The following FUT8 variants were observed in gnomAD, a reference collection of about 807,000 sequenced individuals.
FUT8 encodes fucosyltransferase 8, also known as alpha-(1,6)-fucosyltransferase.
FUT8 carries 29 observed loss-of-function variants against 71.3 expected under a neutral mutation model. The observed-to-expected ratio is 0.41, with a 90% CI of 0.30 to 0.55. The LOEUF is 0.55. FUT8 is among the 20% of genes least tolerant of loss of function. FUT8 has a pLI of 0.34. For synonymous variants in FUT8, 254 were observed against 239.3 expected (o/e 1.06, Z -0.57); for missense variants, 544 against 702.1 (o/e 0.77, Z 2.55).
At chr14:65,645,820 A>G (rs1891099301) in intron 6 of FUT8, 1 of 152,192 alleles carries the variant, frequency 6.6e-6, no homozygotes, top group Non-Finnish European at 1.5e-5. Flanking sequence ...ACCATGGGAC[A>G]CATTCATATC....
chr14:65,357,625 C>G, the FUT8 span, among the ~76,000 whole-genome samples: 4 of 152,202 alleles, frequency 2.6e-5, no homozygotes, highest in Admixed American at 2.6e-4. Context: ...GAAGATGTGA[C>G]CTATTTTACA....
chr14:65,581,828 T>C (rs1415715217), intron 3 of FUT8, among the ~76,000 whole-genome samples: 2 of 152,192 alleles, frequency 1.3e-5, no homozygotes, highest in Non-Finnish European at 2.9e-5. Flanking sequence ...ATGATGCCAC[T>C]ATTGCCAAAT....
intron 2 of FUT8, among the ~76,000 whole-genome samples, chr14:65,511,936 G>A (rs954938820): frequency 6.6e-6 from 1 of 152,032 alleles, no homozygotes. Context: ...CTGCCATTTT[G>A]TAATTTGTTT....
At chr14:65,387,406 C>T in the FUT8 span, among the ~76,000 whole-genome samples, 4 of 152,192 alleles carry the variant, frequency 2.6e-5, no homozygotes, top group Non-Finnish European at 5.9e-5. Flanking sequence ...ATTCAGGTGT[C>T]TCTTTCCCTG....
At chr14:65,553,800 T>C (rs1220455882) in intron 2 of FUT8, among the ~76,000 whole-genome samples, 1 of 151,946 alleles carries the variant, frequency 6.6e-6, no homozygotes, top group East Asian at 1.9e-4. Flanking sequence ...CATTTTTTTT[T>C]CTCTGTATGT....
Position 65,545,975 on chromosome 14 carries a change from A to C in FUT8, c.-227-15362A>C, listed in dbSNP as rs12433273. ...TTTGCTGAAAAAATCTGTCTCATTG[A>C]AACTTAAATGCAAGGACATAATTTA... On this transcript the variant is annotated intron_variant, in intron 2 of 10. Transcript: ENST00000673929. Among the ~76,000 whole-genome samples, 1,003 of 151,998 alleles carry C rather than the reference A, an allele frequency of 6.6e-3. 35 individuals are homozygous for C. In the East Asian group the frequency reaches 0.094, roughly 14 times the overall value.
chr14:65,377,702 C>T, the FUT8 span, among the ~76,000 whole-genome samples: 1,165 of 150,162 alleles, frequency 7.8e-3, 14 homozygotes, highest in African/African-American at 0.027. Context: ...TTGTCAACCT[C>T]GATCTTGTAA....
chr14:65,533,463 G>T (rs948165613), intron 2 of FUT8, among the ~76,000 whole-genome samples: 15 of 152,092 alleles, frequency 9.9e-5, no homozygotes, highest in African/African-American at 3.6e-4. Context: ...CTTGGCTGTT[G>T]TTGCTGTATA....
intron 3 of FUT8, among the ~76,000 whole-genome samples, chr14:65,564,149 A>G (rs1044944367): frequency 2.6e-5 from 4 of 152,052 alleles, no homozygotes; most frequent in African/African-American, 9.7e-5. Context: ...TGCTACTAGC[A>G]TTGGGATTTT....
Position 65,670,860 on chromosome 14 carries a change from G to A in FUT8, c.835+1380G>A, listed in dbSNP as rs899394180. On this transcript the variant is annotated intron_variant, in intron 7 of 10. Transcript: ENST00000673929. Reference sequence around the variant, plus strand: ...AGTATTGTGTTTTGTCTTCTGTAGGGTGTTTTAGAAGCCTTATTTTATATA... The same window carrying A: ...AGTATTGTGTTTTGTCTTCTGTAGGATGTTTTAGAAGCCTTATTTTATATA... Among the ~76,000 whole-genome samples the A allele has an allele frequency of 2.0e-5, 3 of 152,192 alleles. No homozygotes were observed. In the East Asian group the frequency reaches 5.8e-4, roughly 29 times the overall value.
At chr14:65,475,367 C>T (rs1345486226) in intron 2 of FUT8, among the ~76,000 whole-genome samples, 2 of 152,060 alleles carry the variant, frequency 1.3e-5, no homozygotes, top group Non-Finnish European at 2.9e-5. Context: ...AGTCATTTCA[C>T]AGAGCTAAAA....
At chr14:65,384,324 C>T in the FUT8 span, among the ~76,000 whole-genome samples, 4 of 152,124 alleles carry the variant, frequency 2.6e-5, no homozygotes, top group Non-Finnish European at 1.5e-5. This position sits in a 1 kb window ranked among gnomAD's most constrained non-coding sequence, Gnocchi z 4.2. Context: ...TCATAGCTCA[C>T]AACAGCCTCC....
At chr14:65,606,675 A>G (rs1398085875) in intron 3 of FUT8, among the ~76,000 whole-genome samples, 1 of 151,872 alleles carries the variant, frequency 6.6e-6, no homozygotes, top group African/African-American at 2.4e-5. Context: ...CTTTGTGCCA[A>G]TACTACACTG....
intron 2 of FUT8, among the ~76,000 whole-genome samples, chr14:65,544,342 C>G (rs1884861570): frequency 6.6e-6 from 1 of 152,140 alleles, no homozygotes; most frequent in Non-Finnish European, 1.5e-5. Flanking sequence ...ACGATTATGA[C>G]TCCTACTTTA....
intron 3 of FUT8, among the ~76,000 whole-genome samples, chr14:65,578,539 C>T (rs1290836773): frequency 1.3e-5 from 2 of 152,094 alleles, no homozygotes; most frequent in South Asian, 2.1e-4. Flanking sequence ...TTTCTTAAAA[C>T]GTTATGAGAT....
chr14:65,731,015 G>A (rs977606655), intron 9 of FUT8, among the ~76,000 whole-genome samples: 2 of 152,224 alleles, frequency 1.3e-5, no homozygotes, highest in Non-Finnish European at 2.9e-5. Flanking sequence ...AGAACAATTT[G>A]TTAAAAGTTT....
intron 3 of FUT8, among the ~76,000 whole-genome samples, chr14:65,613,016 G>C (rs1228573813): frequency 6.6e-6 from 1 of 151,224 alleles, no homozygotes; most frequent in African/African-American, 2.4e-5. Context: ...TTTTTTTTTA[G>C]AGTGATTTTT....
At chr14:65,415,080 T>C (rs2064282401) in intron 1 of FUT8, among the ~76,000 whole-genome samples, 1 of 152,132 alleles carries the variant, frequency 6.6e-6, no homozygotes, top group Non-Finnish European at 1.5e-5. Flanking sequence ...GCAATTGGAG[T>C]GTCCTTAAAA....
chr14:65,735,444 G>A (rs974827791), intron 10 of FUT8, among the ~76,000 whole-genome samples: 1 of 152,096 alleles, frequency 6.6e-6, no homozygotes, highest in Non-Finnish European at 1.5e-5. Context: ...GAGTGGTGCT[G>A]AGAAGACTTT....
Sources: gnomAD v4.1 joint callset for allele counts (sites outside exome capture counted in the v4.1 genomes callset) on GRCh38, gnomAD v4.1.1 for gene constraint, Gnocchi (gnomAD v3.1) non-coding constraint, MANE v1.5 for transcripts, NCBI Gene and HGNC (gene_info 2026-07-23, HGNC 2026-07-21) for gene names.